Variants in KIF6 observed in about 807,000 individuals in gnomAD.
KIF6 encodes kinesin family member 6, also known as kinesin-like protein KIF6.
Under a neutral mutation model 112.7 loss-of-function variants are expected in KIF6, and 106 were observed. That is an observed-to-expected ratio of 0.94 (90% confidence interval 0.80 to 1.11). The LOEUF is 1.11. KIF6 is among the 50% of genes least tolerant of loss of function. KIF6 has a pLI of 0.00. For missense variants in KIF6, 929 were observed against 964.0 expected (o/e 0.96, Z 0.48); for synonymous variants, 339 against 339.9 (o/e 1.00, Z 0.03).
chr6:39,495,328 T>C (rs1775720835), intron 13 of KIF6, among the ~76,000 whole-genome samples: 3 of 152,140 alleles, frequency 2.0e-5, no homozygotes, highest in Admixed American at 6.6e-5. Flanking sequence ...AGCCCATATG[T>C]CCGCGTGTCC....
chr6:39,686,266 C>CT (rs1002466871), intron 3 of KIF6, among the ~76,000 whole-genome samples: 2 of 152,138 alleles, frequency 1.3e-5, no homozygotes, highest in African/African-American at 2.4e-5. Context: ...CCACATTGAT[C>CT]TTTTTTTGGC....
At chr6:39,345,517 G>A (rs1178500447) in intron 21 of KIF6, among the ~76,000 whole-genome samples, 183 bp downstream of exon 21, 11 of 152,200 alleles carry the variant, frequency 7.2e-5, no homozygotes, top group Admixed American at 6.5e-5. Context: ...AAACCTCCCC[G>A]CTTTGAGTTG....
In KIF6 at chr6:39,334,198, T is replaced by C. The variant is rs1280355100; in HGVS notation, c.*2334A>G. ...TGTCTTAGTGATTGCCCCAGGAGGC[T>C]GGTTCACACCCCGCATGGGGCCATG... On this transcript the variant is annotated 3_prime_UTR_variant, in exon 23 of 23. Transcript: ENST00000287152. The C allele has an allele frequency of 6.6e-6, 1 of 152,298 alleles. No individual in the cohort carries two copies. Among genetic ancestry groups the C allele is most frequent in the Non-Finnish European group, 1.5e-5 (1 of 68,066 alleles). The allele number at this position is 152,298 out of a possible 1,614,324, so 9.4% of individuals were successfully genotyped here.
intron 10 of KIF6, among the ~76,000 whole-genome samples, chr6:39,575,969 G>A (rs1458067055): frequency 6.6e-6 from 1 of 152,160 alleles, no homozygotes; most frequent in East Asian, 1.9e-4. Flanking sequence ...AGATCCATGT[G>A]TTTATCCCAG....
chr6:39,584,604 T>A (rs929280471), intron 9 of KIF6, among the ~76,000 whole-genome samples: 1 of 152,040 alleles, frequency 6.6e-6, no homozygotes, highest in African/African-American at 2.4e-5. Context: ...GAGCTGCAAG[T>A]AGGAAGAGCA....
intron 15 of KIF6, among the ~76,000 whole-genome samples, chr6:39,401,539 C>G (rs1211429653): frequency 2.0e-5 from 3 of 152,136 alleles, no homozygotes; most frequent in African/African-American, 7.2e-5. Context: ...AGGATACATG[C>G]CTCAGAGCTC....
At chr6:39,662,192 T>C (rs1786191418) in intron 3 of KIF6, among the ~76,000 whole-genome samples, 2 of 152,218 alleles carry the variant, frequency 1.3e-5, no homozygotes, top group African/African-American at 4.8e-5. Flanking sequence ...GTGGTGTAAG[T>C]ACATTTGATT....
intron 10 of KIF6, among the ~76,000 whole-genome samples, chr6:39,576,766 C>T (rs1422627588): frequency 6.6e-6 from 1 of 152,160 alleles, no homozygotes; most frequent in African/African-American, 2.4e-5. Flanking sequence ...TGTTACTGAT[C>T]TCTGGGGTGT....
intron 10 of KIF6, among the ~76,000 whole-genome samples, chr6:39,561,329 G>A (rs534599642): frequency 6.6e-6 from 1 of 150,714 alleles, no homozygotes; most frequent in African/African-American, 2.5e-5. Flanking sequence ...AACTGAGAAT[G>A]TTAAAAGGAG....
intron 15 of KIF6, among the ~76,000 whole-genome samples, chr6:39,401,357 G>A (rs2150339568): frequency 6.6e-6 from 1 of 152,334 alleles, no homozygotes; most frequent in East Asian, 1.9e-4. Flanking sequence ...TCTCCTGGAA[G>A]CAGACCCTAG....
intron 13 of KIF6, among the ~76,000 whole-genome samples, chr6:39,533,575 TG>T (rs1473244715): frequency 6.6e-6 from 1 of 152,180 alleles, no homozygotes; most frequent in Non-Finnish European, 1.5e-5. Flanking sequence ...GCTCCACCTC[TG>T]GGGGCAGGGC....
chr6:39,535,464 G>A (rs2150552720), intron 13 of KIF6, among the ~76,000 whole-genome samples: 1 of 152,280 alleles, frequency 6.6e-6, no homozygotes, highest in South Asian at 2.1e-4. Flanking sequence ...AAGAGACAAA[G>A]AAGGCCATTA....
At chr6:39,380,060 C>A (rs1766788068) in intron 16 of KIF6, among the ~76,000 whole-genome samples, 1 of 152,204 alleles carries the variant, frequency 6.6e-6, no homozygotes, top group Admixed American at 6.5e-5. Flanking sequence ...GCATTATCAA[C>A]AATACTAAAT....
At chr6:39,537,303 A>T (rs921970627) in intron 13 of KIF6, among the ~76,000 whole-genome samples, 16 of 152,298 alleles carry the variant, frequency 1.1e-4, no homozygotes, top group East Asian at 5.8e-4. Flanking sequence ...ACATGATTGT[A>T]TATCTAGAAA....
At chr6:39,523,056 C>T (rs1348183408) in intron 13 of KIF6, among the ~76,000 whole-genome samples, 1 of 152,198 alleles carries the variant, frequency 6.6e-6, no homozygotes, top group Non-Finnish European at 1.5e-5. Flanking sequence ...TCATTCTTAA[C>T]ATATGCATAA....
In KIF6 at chr6:39,342,719, G is replaced by T. The variant is rs1264186877; in HGVS notation, c.2428+990C>A. 1.2e-6 allele frequency: 1 copy of T among 862,276 alleles called. No homozygotes were observed. The highest frequency in any genetic ancestry group is 1.2e-4 in the East Asian group (1 of 8,220). 53.4% of individuals were successfully genotyped at this position (862,276 alleles called of 1,614,324 possible). A position where few individuals can be genotyped will look rare whatever the true frequency, so the allele number is the denominator to read the frequency against. ...TAAGAAAGGACCTGACAGTGTTGCTGAGGCTGCTGGTCCTGGTGGTGAAGA... is the reference window on the plus strand; with the variant it reads ...TAAGAAAGGACCTGACAGTGTTGCTTAGGCTGCTGGTCCTGGTGGTGAAGA... On this transcript the variant is annotated intron_variant, in intron 22 of 22. Transcript: ENST00000287152. This position sits in a 1 kb window ranked among gnomAD's most constrained non-coding sequence, Gnocchi z 4.7.
intron 3 of KIF6, among the ~76,000 whole-genome samples, chr6:39,672,803 A>G (rs1437502528): frequency 1.3e-5 from 2 of 152,082 alleles, no homozygotes; most frequent in Non-Finnish European, 2.9e-5. Context: ...ACCTCATTTA[A>G]CCTTAATTAC....
At chr6:39,605,056 T>C (rs538846368) in intron 6 of KIF6, among the ~76,000 whole-genome samples, 99 of 152,246 alleles carry the variant, frequency 6.5e-4, no homozygotes, top group Non-Finnish European at 1.2e-3. Context: ...TTTGCCTGTA[T>C]CTTTAATTGG....
chr6:39,720,295 A>G (rs1790134575), intron 2 of KIF6, among the ~76,000 whole-genome samples: 1 of 152,162 alleles, frequency 6.6e-6, no homozygotes, highest in African/African-American at 2.4e-5. Flanking sequence ...GAGTATACAT[A>G]TGTGTATATG....
Sources: gnomAD v4.1 joint callset for allele counts (sites outside exome capture counted in the v4.1 genomes callset) on GRCh38, gnomAD v4.1.1 for gene constraint, Gnocchi (gnomAD v3.1) non-coding constraint, MANE v1.5 for transcripts, NCBI Gene and HGNC (gene_info 2026-07-23, HGNC 2026-07-21) for gene names.